Variants in GDAP1 observed in about 807,000 individuals in gnomAD.
GDAP1 encodes the protein ganglioside-induced differentiation-associated protein 1.
Under a neutral mutation model 40.1 loss-of-function variants are expected in GDAP1, and 34 were observed. The ratio of observed to expected loss-of-function variants is 0.85; its 90% CI spans 0.64 to 1.13. The LOEUF (loss-of-function observed/expected upper bound fraction) is 1.13. Ranked by LOEUF, GDAP1 falls within the 50% of genes most tolerant of loss-of-function variation. The probability of loss-of-function intolerance (pLI) is 0.00; values close to 1 mark genes in which losing one functional copy is unlikely to be tolerated. For synonymous variants in GDAP1, 170 were observed against 157.4 expected, an observed-to-expected ratio of 1.08 and a Z score of -0.60; for missense variants, 374 against 433.7, an observed-to-expected ratio of 0.86 and a Z score of 1.22.
At chr8:74,367,589 T>G (rs1484786652), downstream of GDAP1, among the ~76,000 whole-genome samples, 1 of 152,204 alleles carries the variant, frequency 6.6e-6, no homozygotes, top group Non-Finnish European at 1.5e-5. Flanking sequence ...AGTATTCAGA[T>G]ATAACCATCA....
intron 2 of GDAP1, among the ~76,000 whole-genome samples, chr8:74,470,852 T>C (rs558684496): frequency 1.1e-3 from 168 of 152,364 alleles, no homozygotes; most frequent in Non-Finnish European, 1.6e-3. Flanking sequence ...ATGGTTGAAC[T>C]AGTTTACAGT....
chr8:74,382,160 G>C (rs1011111079), intron 2 of GDAP1, among the ~76,000 whole-genome samples: 9 of 152,044 alleles, frequency 5.9e-5, no homozygotes, highest in African/African-American at 2.2e-4. Context: ...TGCGCAAATT[G>C]TCCTATCTTT....
At chr8:74,375,130 C>T (rs916986364) in intron 2 of GDAP1, among the ~76,000 whole-genome samples, 6 of 152,100 alleles carry the variant, frequency 3.9e-5, no homozygotes, top group Admixed American at 2.0e-4. Flanking sequence ...AGTTGGAGAC[C>T]AGCCTGGCCA....
At chr8:74,372,036 G>A (rs186473171) in intron 2 of GDAP1, among the ~76,000 whole-genome samples, 8,514 of 149,006 alleles carry the variant, frequency 0.057, 282 homozygotes, top group East Asian at 0.12. Context: ...TTTTGTCCTT[G>A]CGATAGTTTG....
intron 2 of GDAP1, among the ~76,000 whole-genome samples, chr8:74,470,009 A>G (rs1806527452): frequency 6.6e-6 from 1 of 152,086 alleles, no homozygotes; most frequent in South Asian, 2.1e-4. Flanking sequence ...ATAGAAAAAT[A>G]GTATTCTGAA....
At chr8:74,386,906 T>G (rs1810034192) in intron 2 of GDAP1, among the ~76,000 whole-genome samples, 1 of 152,206 alleles carries the variant, frequency 6.6e-6, no homozygotes, top group Non-Finnish European at 1.5e-5. Context: ...TCACATCCCT[T>G]GTAAGTTGTA....
At chr8:74,358,625 A>G (rs776475596) in intron 2 of GDAP1, among the ~76,000 whole-genome samples, 25 of 152,230 alleles carry the variant, frequency 1.6e-4, no homozygotes, top group Non-Finnish European at 3.1e-4. Context: ...GGAAACTTCT[A>G]CTGTACACTT....
Position 74,400,382 on chromosome 8 carries a change from T to A in GDAP1, c.165+49061T>A, listed in dbSNP as rs187828832. On this transcript the variant is annotated intron_variant, in intron 2 of 2. Transcript: ENST00000523640. ...AGACTAGGATTGCAACCCCTGCCTT[T>A]TTTTTTGTTTTCCGTTTGCTTGGTA... is the stretch of plus-strand genomic sequence containing the variant. Among the ~76,000 whole-genome samples the A allele has an allele frequency of 1.3e-5, 2 of 150,022 alleles. 1 individual carries two copies. Among genetic ancestry groups the A allele is most frequent in the African/African-American group, 5.1e-5 (2 of 39,360 alleles).
chr8:74,424,800 A>G (rs921678184), intron 2 of GDAP1, among the ~76,000 whole-genome samples: 1 of 152,194 alleles, frequency 6.6e-6, no homozygotes. Flanking sequence ...TGGTCTAAGT[A>G]TTAGAAATTA....
chr8:74,413,216 T>C lies in GDAP1; in HGVS notation c.165+61895T>C, dbSNP rs1805737542. Among the ~76,000 whole-genome samples, 5 of 150,082 alleles carry C rather than the reference T, an allele frequency of 3.3e-5. 1 individual carries two copies. The highest frequency in any genetic ancestry group is 1.3e-4 in the African/African-American group (5 of 39,412). On this transcript the variant is annotated intron_variant, in intron 2 of 2. Coordinates refer to the GDAP1 transcript ENST00000523640. ...AGCATGCTTCCCCTGTTTCTTCTAC[T>C]TAATGCAGCTATAAAATCTGGACAG...
intron 2 of GDAP1, among the ~76,000 whole-genome samples, chr8:74,422,754 G>T (rs1458351659): frequency 8.6e-5 from 13 of 151,620 alleles, no homozygotes; most frequent in Admixed American, 8.6e-4. Context: ...AAAAGAAATT[G>T]GCACTGTTTC....
At chr8:74,350,873 C>T (rs1304367156) in intron 1 of GDAP1, among the ~76,000 whole-genome samples, 1 of 152,190 alleles carries the variant, frequency 6.6e-6, no homozygotes, top group Admixed American at 6.5e-5. Context: ...CGGAGAGAGG[C>T]AGAGGGAGGT....
In GDAP1 at chr8:74,362,950, T is replaced by C; in HGVS notation, c.591T>C (p.Leu197=). Residue 197 remains leucine (L), a synonymous_variant, in exon 5 of 6, where the codon CTT becomes CTC. Coordinates refer to ENST00000220822, the MANE Select transcript of GDAP1 (RefSeq NM_018972.4). ...AKQKRLKSKL[L]DHDNVKYLKK... is the part of the protein sequence containing the mutation. Reference sequence around the variant, plus strand: ...TGGTGGTTAATTAGTCAAAGCTGCTTGATCATGACAATGTCAAGTATTTGA... The same window carrying C: ...TGGTGGTTAATTAGTCAAAGCTGCTCGATCATGACAATGTCAAGTATTTGA... 1 of 1,503,602 alleles carries C rather than the reference T, an allele frequency of 6.7e-7. No homozygotes were observed. Among genetic ancestry groups the C allele is most frequent in the South Asian group, 1.1e-5 (1 of 88,924 alleles). The allele number at this position is 1,503,602 out of a possible 1,614,324, so 93.1% of individuals were successfully genotyped here. A position where few individuals can be genotyped will look rare whatever the true frequency, so the allele number is the denominator to read the frequency against.
chr8:74,363,849 CAAGAA>C, intron 5 of GDAP1, 131 bp from the exon 6 acceptor site: 1 of 737,854 alleles, frequency 1.4e-6, no homozygotes, highest in Non-Finnish European at 2.3e-6. Context: ...GTGTGGCTGT[CAAGAA>C]AATAAATATA....
At chr8:74,468,490 C>T (rs200513228) in intron 2 of GDAP1, among the ~76,000 whole-genome samples, 2 of 83,144 alleles carry the variant, frequency 2.4e-5, no homozygotes, top group Non-Finnish European at 6.1e-5. Flanking sequence ...CACACACACA[C>T]ACACACACAC....
intron 2 of GDAP1, among the ~76,000 whole-genome samples, chr8:74,381,400 C>G (rs1809951017): frequency 6.6e-6 from 1 of 151,822 alleles, no homozygotes; most frequent in South Asian, 2.1e-4. Context: ...GAAAGATCAC[C>G]AAAAGCAAAC....
At chr8:74,380,751 G>T (rs1179527045) in intron 2 of GDAP1, among the ~76,000 whole-genome samples, 1 of 152,032 alleles carries the variant, frequency 6.6e-6, no homozygotes, top group Non-Finnish European at 1.5e-5. Flanking sequence ...TTAAGTCTGT[G>T]GAACGGACAA....
Position 74,485,704 on chromosome 8 carries a change from G to GA in GDAP1, c.166-2964dup, listed in dbSNP as rs531758830. ...GGTCTTCCAAGTGAGGGAGAAAGATGAAAAAAAAAATCACAGAAGCAGGAA... is the reference window on the plus strand; with the variant it reads ...GGTCTTCCAAGTGAGGGAGAAAGATGAAAAAAAAAAATCACAGAAGCAGGAA... On this transcript the variant is annotated intron_variant, in intron 2 of 2. Transcript: ENST00000523640. Among the ~76,000 whole-genome samples the GA allele has an allele frequency of 5.2e-3, 780 of 149,688 alleles. 3 individuals are homozygous for GA. Among genetic ancestry groups the GA allele is most frequent in the Non-Finnish European group, 6.1e-3 (411 of 67,236 alleles).
intron 2 of GDAP1, among the ~76,000 whole-genome samples, chr8:74,433,611 T>C (rs941668156): frequency 6.6e-6 from 1 of 152,196 alleles, no homozygotes; most frequent in African/African-American, 2.4e-5. Flanking sequence ...AATGTCAAAA[T>C]GATTAAATAT....
Sources: gnomAD v4.1 joint callset for allele counts (sites outside exome capture counted in the v4.1 genomes callset) on GRCh38, gnomAD v4.1.1 for gene constraint, MANE v1.5 for transcripts, NCBI Gene and HGNC (gene_info 2026-07-23, HGNC 2026-07-21) for gene names.